AGAP1: variants seen among roughly 807,000 people sequenced by gnomAD.
AGAP1 encodes the protein arf-GAP with GTPase, ANK repeat and PH domain-containing protein 1.
Under a neutral mutation model 105.3 loss-of-function variants are expected in AGAP1, and 29 were observed. The ratio of observed to expected loss-of-function variants is 0.28; its 90% CI spans 0.21 to 0.38. The LOEUF is 0.38. AGAP1 is among the 10% of genes least tolerant of loss of function. The pLI is 1.00. For synonymous variants in AGAP1, 509 were observed against 485.9 expected (o/e 1.05, Z -0.63); for missense variants, 998 against 1,165.1 (o/e 0.86, Z 2.09).
At chr2:235,561,198 A>G (rs1291673956) in intron 1 of AGAP1, among the ~76,000 whole-genome samples, 1 of 152,142 alleles carries the variant, frequency 6.6e-6, no homozygotes, top group Non-Finnish European at 1.5e-5. Flanking sequence ...TGGGATGAGG[A>G]GGCTTCAGTG....
intron 16 of AGAP1, among the ~76,000 whole-genome samples, chr2:236,111,946 G>T (rs961744963): frequency 1.3e-5 from 2 of 152,192 alleles, no homozygotes; most frequent in African/African-American, 4.8e-5. Flanking sequence ...CGGCAGTGTT[G>T]TCACGCGACT....
rs80132185 is a variant in AGAP1, at chr2:236,114,000, C to T, written c.2115-6192C>T. ...CTTTCTTCTGATGAGTCGCCCATTCCCTCATTTTCCCTCACTCTCCTGCGG... is the reference window on the plus strand; with the variant it reads ...CTTTCTTCTGATGAGTCGCCCATTCTCTCATTTTCCCTCACTCTCCTGCGG... On this transcript the variant is annotated intron_variant, in intron 16 of 17. Transcript: ENST00000304032. This position sits in a 1 kb window ranked among gnomAD's most constrained non-coding sequence, Gnocchi z 4.3. Among the ~76,000 whole-genome samples the T allele has an allele frequency of 0.016, 2,381 of 152,190 alleles. 69 individuals are homozygous for T. The highest frequency in any genetic ancestry group is 0.054 in the African/African-American group (2,239 of 41,518).
In AGAP1 at chr2:236,118,610, A is replaced by G. The variant is rs13406886; in HGVS notation, c.2115-1582A>G. On this transcript the variant is annotated intron_variant, in intron 16 of 17. Transcript: ENST00000304032. ...CACCATGTTGGCCAAGCTGGTCTCG[A>G]ACTCCTGACCTCAGGTGATCCACCC... 1.8e-3 allele frequency among the ~76,000 whole-genome samples: 269 copies of G among 152,032 alleles called. 2 individuals carry two copies. The highest frequency in any genetic ancestry group is 6.2e-3 in the African/African-American group (259 of 41,478).
chr2:235,696,556 G>C (rs918979832), intron 1 of AGAP1, among the ~76,000 whole-genome samples: 7 of 152,190 alleles, frequency 4.6e-5, no homozygotes, highest in Admixed American at 1.3e-4. Flanking sequence ...GAGATGGTCC[G>C]TGTGGGTCAG....
chr2:235,527,632 C>T (rs1200003082), intron 1 of AGAP1, among the ~76,000 whole-genome samples: 1 of 152,162 alleles, frequency 6.6e-6, no homozygotes, highest in Non-Finnish European at 1.5e-5. Flanking sequence ...AAACCATCTG[C>T]CTATCTTAGC....
intron 6 of AGAP1, among the ~76,000 whole-genome samples, chr2:235,781,664 G>C (rs1045397160): frequency 6.6e-6 from 1 of 152,160 alleles, no homozygotes; most frequent in African/African-American, 2.4e-5. Context: ...AGAAGCCTTC[G>C]TAAGCCAAAC....
chr2:236,040,672 T>C lies in AGAP1; in HGVS notation c.1801-79T>C, dbSNP rs2057521885. 7.3e-7 allele frequency: 1 copy of C among 1,377,096 alleles called. No homozygotes were observed. The highest frequency in any genetic ancestry group is 2.3e-5 in the East Asian group (1 of 43,214). The allele number at this position is 1,377,096 out of a possible 1,614,324, so 85.3% of individuals were successfully genotyped here. ...CTACATTTGCTCCCAATCTGTTTGA[T>C]CTTTCCCTGATGTTATCAGTGATGT... On this transcript the variant is annotated intron_variant, in intron 14 of 17. Coordinates refer to ENST00000304032, the MANE Select transcript of AGAP1 (RefSeq NM_001037131.3). This position sits in a 1 kb window ranked among gnomAD's most constrained non-coding sequence, Gnocchi z 5.6.
Position 235,799,943 on chromosome 2 carries a change from G to T in AGAP1, c.957+421G>T, listed in dbSNP as rs149037227. 2.6e-5 allele frequency among the ~76,000 whole-genome samples: 4 copies of T among 152,068 alleles called. No individual in the cohort carries two copies. The highest frequency in any genetic ancestry group is 5.9e-5 in the Non-Finnish European group (4 of 67,992). ...TGCTGGGGTGCCTGGCGCTGCCCTCGGGGTGGAGGTGGGGGACTGGGAGGT... is the reference window on the plus strand; with the variant it reads ...TGCTGGGGTGCCTGGCGCTGCCCTCTGGGTGGAGGTGGGGGACTGGGAGGT... On this transcript the variant is annotated intron_variant, in intron 8 of 17. Coordinates refer to ENST00000304032, the MANE Select transcript of AGAP1 (RefSeq NM_001037131.3). The surrounding 1 kb of genome is among the most constrained non-coding windows in gnomAD (Gnocchi z 5.0).
chr2:235,812,983 T>C (rs1021511689), intron 9 of AGAP1, among the ~76,000 whole-genome samples: 24 of 152,216 alleles, frequency 1.6e-4, no homozygotes, highest in African/African-American at 5.8e-4. Context: ...GAGAGTCTTA[T>C]ATTCAGCCCG....
Position 235,555,332 on chromosome 2 carries a change from A to C in AGAP1, c.163+60483A>C, listed in dbSNP as rs1252082513. ...TAGTGTCTGAGTAAAGGCAGTCCCC[A>C]GTCCAGTCTGCAAAGCCTGGCCACT... On this transcript the variant is annotated intron_variant, in intron 1 of 17. Transcript: ENST00000304032. The surrounding 1 kb of genome is among the most constrained non-coding windows in gnomAD (Gnocchi z 5.1). 6.6e-6 allele frequency among the ~76,000 whole-genome samples: 1 copy of C among 152,126 alleles called. No individual in the cohort carries two copies. Among genetic ancestry groups the C allele is most frequent in the Non-Finnish European group, 1.5e-5 (1 of 68,034 alleles).
chr2:235,999,962 T>G (rs1035984694), intron 13 of AGAP1, among the ~76,000 whole-genome samples: 19 of 152,146 alleles, frequency 1.2e-4, no homozygotes, highest in Admixed American at 1.2e-3. Flanking sequence ...TAGTCATGAG[T>G]TCCGAATAGT....
rs575490955 is a variant in AGAP1 at position 235,806,536 on chromosome 2, C to A, written c.958-703C>A. 5.3e-5 allele frequency among the ~76,000 whole-genome samples: 8 copies of A among 152,244 alleles called. No individual in the cohort carries two copies. In the South Asian group the frequency reaches 1.2e-3, roughly 24 times the overall value. On this transcript the variant is annotated intron_variant, in intron 8 of 17. Transcript: ENST00000304032. ...CCCTTCCTGCCCGGTGGCAGCCACT[C>A]GTCGTCCGCAGCACGTCAGCAGTGC...
intron 1 of AGAP1, among the ~76,000 whole-genome samples, chr2:235,536,329 C>T (rs1943222019): frequency 4.0e-5 from 1 of 25,284 alleles, no homozygotes; most frequent in Non-Finnish European, 6.6e-5. Flanking sequence ...ACAGCAGGAC[C>T]CTGGGGTTTG....
At chr2:235,554,998 T>C (rs1337744012) in intron 1 of AGAP1, among the ~76,000 whole-genome samples, 1 of 152,172 alleles carries the variant, frequency 6.6e-6, no homozygotes, top group East Asian at 1.9e-4. Context: ...TTTCAAACAA[T>C]GCTTTCTCTC....
At chr2:235,834,105 T>C (rs1959816048) in intron 9 of AGAP1, among the ~76,000 whole-genome samples, 1 of 152,148 alleles carries the variant, frequency 6.6e-6, no homozygotes, top group South Asian at 2.1e-4. Flanking sequence ...CACACTGAGT[T>C]CTCATTTGCC....
At chr2:235,950,676 G>A (rs1390378831) in intron 12 of AGAP1, among the ~76,000 whole-genome samples, 3 of 152,136 alleles carry the variant, frequency 2.0e-5, no homozygotes, top group Admixed American at 1.3e-4. Flanking sequence ...GACCCTTCCA[G>A]CAGCCACAGG....
At chr2:235,764,076 T>C (rs1407545451) in intron 6 of AGAP1, among the ~76,000 whole-genome samples, 1 of 145,900 alleles carries the variant, frequency 6.9e-6, no homozygotes, top group African/African-American at 2.6e-5. Flanking sequence ...TGCCCATGTG[T>C]GGCTGTGACA....
In AGAP1 at chr2:236,095,271, C is replaced by T. The variant is rs909780789; in HGVS notation, c.2115-24921C>T. On this transcript the variant is annotated intron_variant, in intron 16 of 17. Coordinates refer to ENST00000304032, the MANE Select transcript of AGAP1 (RefSeq NM_001037131.3). The surrounding 1 kb of genome is among the most constrained non-coding windows in gnomAD (Gnocchi z 4.1). ...AATTAGCCAGGCGTGGTTGCATGCA[C>T]CTGTGGTCCCAGCTACTCGGGAGGC... Among the ~76,000 whole-genome samples, 2 of 152,042 alleles carry T rather than the reference C, an allele frequency of 1.3e-5. No homozygotes were observed. The highest frequency in any genetic ancestry group is 2.9e-5 in the Non-Finnish European group (2 of 68,010).
chr2:235,907,759 T>C (rs1057225098), intron 10 of AGAP1, among the ~76,000 whole-genome samples: 4 of 152,218 alleles, frequency 2.6e-5, no homozygotes, highest in African/African-American at 4.8e-5. Context: ...CATTCTCCCG[T>C]ATACCTTAAA....
Sources: gnomAD v4.1 joint callset for allele counts (sites outside exome capture counted in the v4.1 genomes callset) on GRCh38, gnomAD v4.1.1 for gene constraint, Gnocchi (gnomAD v3.1) non-coding constraint, MANE v1.5 for transcripts, NCBI Gene and HGNC (gene_info 2026-07-23, HGNC 2026-07-21) for gene names.